The following FGF13 variants were observed in gnomAD, a reference collection of about 807,000 sequenced individuals.
FGF13 encodes fibroblast growth factor 13.
FGF13 carries 2 observed loss-of-function variants against 19.5 expected under a neutral mutation model. That is an observed-to-expected ratio of 0.10 (90% CI 0.04 to 0.32). The LOEUF is 0.32. Among genes scored for constraint, FGF13 ranks in the 10% least tolerant of loss-of-function variants. The pLI, the probability that FGF13 is intolerant of heterozygous loss-of-function variation, is 1.00. For synonymous variants in FGF13, 72 were observed against 76.9 expected (o/e 0.94, Z 0.33); for missense variants, 113 against 192.7 (o/e 0.59, Z 2.45).
At chrX:138,947,960 T>G (rs1310491357) in intron 1 of FGF13, among the ~76,000 whole-genome samples, 1 of 111,426 alleles carries the variant, frequency 9.0e-6, no homozygotes, top group African/African-American at 3.3e-5. Context: ...AAGGAAGAAG[T>G]CAAGCCGGCC....
intron 1 of FGF13, among the ~76,000 whole-genome samples, chrX:138,973,768 T>G (rs1307671603): frequency 8.9e-6 from 1 of 112,239 alleles, no homozygotes; most frequent in Non-Finnish European, 1.9e-5. Context: ...TTTTCACAGT[T>G]TTTGACTTAA....
chrX:139,031,137 T>C (rs1276099584), intron 1 of FGF13, among the ~76,000 whole-genome samples: 1 of 111,778 alleles, frequency 8.9e-6, no homozygotes, highest in Non-Finnish European at 1.9e-5. Context: ...TCAGAGCCAC[T>C]TTACAATAAA....
At chrX:139,188,306 G>A (rs969507715) in intron 1 of FGF13, among the ~76,000 whole-genome samples, 1 of 112,272 alleles carries the variant, frequency 8.9e-6, no homozygotes, top group African/African-American at 3.2e-5. Flanking sequence ...AAATATATCT[G>A]CAGGCTTTCT....
rs766221884 is a variant in FGF13 at position 139,094,987 on chromosome X, G to T, written c.-113+108429C>A. ...CAGAGCTCTGTCTTGAAACAGCAAA[G>T]TACAAATTGCCCCCAAATATATGCT... On this transcript the variant is annotated intron_variant, in intron 1 of 2. Coordinates refer to the FGF13 transcript ENST00000421460. 2.7e-4 allele frequency among the ~76,000 whole-genome samples: 30 copies of T among 112,709 alleles called. No individual in the cohort carries two copies. The South Asian group carries it at 0.011, about 42-fold the overall frequency.
chrX:139,172,905 G>C (rs1463551059), intron 1 of FGF13, among the ~76,000 whole-genome samples: 2 of 111,528 alleles, frequency 1.8e-5, no homozygotes, highest in Non-Finnish European at 3.8e-5. Context: ...ACCTCCAGCT[G>C]ACTTCCACTA....
chrX:138,984,600 G>GAGGAGA (rs2091983597), intron 1 of FGF13, among the ~76,000 whole-genome samples: 1 of 40,014 alleles, frequency 2.5e-5, no homozygotes. Context: ...GGAGGAGGAG[G>GAGGAGA]AGGAGGAGGA....
At chrX:138,759,909 C>T (rs1379061124) in intron 3 of FGF13, among the ~76,000 whole-genome samples, 1 of 111,656 alleles carries the variant, frequency 9.0e-6, no homozygotes, top group African/African-American at 3.3e-5. Context: ...TATTTCACCT[C>T]TTCTCTATAC....
At chrX:139,123,304 G>A (rs1015631570) in intron 1 of FGF13, among the ~76,000 whole-genome samples, 4 of 111,414 alleles carry the variant, frequency 3.6e-5, no homozygotes, top group African/African-American at 6.5e-5. Context: ...AAAAATGCTC[G>A]CGTTCTTACC....
intron 1 of FGF13, among the ~76,000 whole-genome samples, chrX:138,737,876 C>T (rs1251377386): frequency 8.9e-6 from 1 of 112,392 alleles, no homozygotes; most frequent in Non-Finnish European, 1.9e-5. Context: ...AAAACTCTAA[C>T]GGGTTTCTTA....
chrX:138,874,735 G>GA (rs903814746), intron 1 of FGF13, among the ~76,000 whole-genome samples: 9 of 111,823 alleles, frequency 8.0e-5, no homozygotes, highest in Non-Finnish European at 1.5e-4. Flanking sequence ...TCTCTGCAGG[G>GA]AACATTGGGA....
At chrX:138,992,339 T>C (rs974320194) in intron 1 of FGF13, among the ~76,000 whole-genome samples, 2 of 111,910 alleles carry the variant, frequency 1.8e-5, no homozygotes, top group Non-Finnish European at 3.8e-5. Context: ...TCATGTAGTC[T>C]AATTTATCAA....
chrX:138,979,869 A>G (rs1373708931), intron 1 of FGF13, among the ~76,000 whole-genome samples: 2 of 111,846 alleles, frequency 1.8e-5, no homozygotes, highest in Non-Finnish European at 3.8e-5. Context: ...TAATGAAATC[A>G]GACTCTTTCA....
chrX:139,069,583 C>G (rs977240986), intron 1 of FGF13, among the ~76,000 whole-genome samples: 1 of 106,666 alleles, frequency 9.4e-6, no homozygotes, highest in East Asian at 3.0e-4. Flanking sequence ...CTGCTCAATG[C>G]GCACATGTAC....
At chrX:138,856,810 T>C (rs1049465096), downstream of FGF13, among the ~76,000 whole-genome samples, 4 of 112,218 alleles carry the variant, frequency 3.6e-5, no homozygotes, top group Non-Finnish European at 7.5e-5. Context: ...TTGGAAACAA[T>C]GAATAAATAC....
At chrX:138,913,595 G>C (rs1368967736) in intron 1 of FGF13, among the ~76,000 whole-genome samples, 1 of 101,838 alleles carries the variant, frequency 9.8e-6, no homozygotes, top group African/African-American at 3.7e-5. Context: ...GAGAAGAGAA[G>C]AGAAGAAAAA....
chrX:138,838,852 C>T (rs1209245721), intron 3 of FGF13, among the ~76,000 whole-genome samples: 1 of 111,455 alleles, frequency 9.0e-6, no homozygotes, highest in Non-Finnish European at 1.9e-5. Flanking sequence ...AGACTTTGAA[C>T]ATTTGAGTTG....
intron 3 of FGF13, among the ~76,000 whole-genome samples, chrX:138,748,818 TAA>T (rs1374705441): frequency 8.9e-6 from 1 of 111,805 alleles, no homozygotes; most frequent in East Asian, 2.8e-4. Context: ...CTTAAAAATT[TAA>T]GAGTAGATAT....
At chrX:138,894,062 C>A (rs1323151067) in intron 1 of FGF13, among the ~76,000 whole-genome samples, 1 of 111,470 alleles carries the variant, frequency 9.0e-6, no homozygotes, top group African/African-American at 3.3e-5. Flanking sequence ...GCCGAATGGA[C>A]TTATTGGGCA....
chrX:138,996,231 C>T (rs771417068), intron 1 of FGF13, among the ~76,000 whole-genome samples: 1 of 112,518 alleles, frequency 8.9e-6, no homozygotes, highest in Non-Finnish European at 1.9e-5. Context: ...CACGGCATCA[C>T]CTCACCCGGG....
Sources: gnomAD v4.1 joint callset for allele counts (sites outside exome capture counted in the v4.1 genomes callset) on GRCh38, gnomAD v4.1.1 for gene constraint, MANE v1.5 for transcripts, NCBI Gene and HGNC (gene_info 2026-07-23, HGNC 2026-07-21) for gene names.